The following TENM2 variants were observed in gnomAD, a reference collection of about 807,000 sequenced individuals.
TENM2 encodes teneurin transmembrane protein 2, also known as teneurin-2.
TENM2 carries 52 observed loss-of-function variants against 245.2 expected under a neutral mutation model. That is an observed-to-expected ratio of 0.21 (90% confidence interval 0.17 to 0.27). TENM2 has a LOEUF of 0.27. TENM2 is among the 10% of genes least tolerant of loss of function. The probability of loss-of-function intolerance (pLI) is 1.00; values close to 1 mark genes in which losing one functional copy is unlikely to be tolerated. For missense variants in TENM2, 3,046 were observed against 3,666.8 expected, an observed-to-expected ratio of 0.83 and a Z score of 4.37; for synonymous variants, 1,363 against 1,438.9, an observed-to-expected ratio of 0.95 and a Z score of 1.19.
chr5:167,507,814 T>TCAAAA (rs1769657506), intron 2 of TENM2, among the ~76,000 whole-genome samples: 1 of 152,218 alleles, frequency 6.6e-6, no homozygotes, highest in Non-Finnish European at 1.5e-5. Context: ...TGAATTTCTT[T>TCAAAA]TTCCTCTTGT....
the TENM2 span, among the ~76,000 whole-genome samples, chr5:167,023,867 C>G: frequency 6.6e-6 from 1 of 151,838 alleles, no homozygotes; most frequent in Non-Finnish European, 1.5e-5. Context: ...GACGGAAAAC[C>G]CAGTATCTGC....
intron 2 of TENM2, among the ~76,000 whole-genome samples, chr5:167,872,508 G>GA (rs748813833): frequency 3.3e-4 from 4 of 12,142 alleles, no homozygotes; most frequent in African/African-American, 5.9e-4. Context: ...AAGAAAGAAA[G>GA]AAAGAAAGAA....
the TENM2 span, among the ~76,000 whole-genome samples, chr5:167,040,529 A>G: frequency 6.6e-6 from 1 of 152,014 alleles, no homozygotes; most frequent in Non-Finnish European, 1.5e-5. Flanking sequence ...CTGTGAGATG[A>G]CAAACTTGCA....
intron 3 of TENM2, among the ~76,000 whole-genome samples, chr5:167,886,460 T>C (rs1168916996): frequency 6.6e-6 from 1 of 152,110 alleles, no homozygotes; most frequent in Non-Finnish European, 1.5e-5. Flanking sequence ...GCTGGGCAGA[T>C]AGAGGAAAAA....
chr5:168,164,296 A>C (rs183770600), intron 13 of TENM2, among the ~76,000 whole-genome samples: 3 of 152,022 alleles, frequency 2.0e-5, no homozygotes, highest in Non-Finnish European at 4.4e-5. Flanking sequence ...AGAACATTTT[A>C]ACGTAAGATC....
chr5:167,930,772 A>AG (rs56243042), intron 3 of TENM2, among the ~76,000 whole-genome samples: 1 of 120,082 alleles, frequency 8.3e-6, no homozygotes, highest in Non-Finnish European at 1.8e-5. Flanking sequence ...TTTTTTTTTT[A>AG]AAAAAGCATG....
intron 2 of TENM2, among the ~76,000 whole-genome samples, chr5:167,777,631 G>A (rs1763901890): frequency 6.6e-6 from 1 of 152,124 alleles, no homozygotes; most frequent in Non-Finnish European, 1.5e-5. Context: ...GCAAAATAGA[G>A]ATAACAGTAA....
At chr5:167,059,860 C>T in the TENM2 span, among the ~76,000 whole-genome samples, 1 of 152,000 alleles carries the variant, frequency 6.6e-6, no homozygotes, top group Non-Finnish European at 1.5e-5. Flanking sequence ...GCTGCCACCA[C>T]ACCTGGCTAA....
intron 12 of TENM2, among the ~76,000 whole-genome samples, chr5:168,155,358 AAAAC>A (rs1343581733): frequency 1.1e-5 from 1 of 91,922 alleles, no homozygotes; most frequent in African/African-American, 4.7e-5. Flanking sequence ...ACAAAAACAA[AAAAC>A]AAACAAAAAA....
At chr5:167,571,761 G>T (rs186398218) in intron 2 of TENM2, among the ~76,000 whole-genome samples, 1 of 152,138 alleles carries the variant, frequency 6.6e-6, no homozygotes, top group Non-Finnish European at 1.5e-5. Context: ...TGAAATAGTT[G>T]CGTGCTGAAA....
At chr5:167,956,662 T>C (rs1461240061) in intron 4 of TENM2, among the ~76,000 whole-genome samples, 5 of 152,208 alleles carry the variant, frequency 3.3e-5, no homozygotes, top group African/African-American at 1.2e-4. Flanking sequence ...ACCTAGTTTA[T>C]TGAGAGTTTT....
chr5:167,186,868 GTTTCC>G, the TENM2 span, among the ~76,000 whole-genome samples: 1 of 152,190 alleles, frequency 6.6e-6, no homozygotes, highest in Non-Finnish European at 1.5e-5. Context: ...CAATGGTGGT[GTTTCC>G]TTTCAAGGCT....
chr5:167,253,958 G>T, the TENM2 span, among the ~76,000 whole-genome samples: 2 of 152,034 alleles, frequency 1.3e-5, no homozygotes, highest in Admixed American at 1.3e-4. Context: ...AAGTTTACTT[G>T]AATAAGTGCG....
At chr5:167,432,741 C>T (rs1764324375) in intron 2 of TENM2, among the ~76,000 whole-genome samples, 1 of 152,030 alleles carries the variant, frequency 6.6e-6, no homozygotes, top group Non-Finnish European at 1.5e-5. Flanking sequence ...TTAAATGCTA[C>T]CTTTCTCCCT....
chr5:167,502,477 TTCAC>T (rs1314243029), intron 2 of TENM2, among the ~76,000 whole-genome samples: 1 of 152,208 alleles, frequency 6.6e-6, no homozygotes, highest in Non-Finnish European at 1.5e-5. Context: ...TAACTGCTAT[TTCAC>T]TCAACTACAA....
At chr5:167,327,874 C>G (rs779740850) in intron 1 of TENM2, among the ~76,000 whole-genome samples, 4 of 152,124 alleles carry the variant, frequency 2.6e-5, no homozygotes, top group Non-Finnish European at 5.9e-5. Flanking sequence ...GAAGATCATC[C>G]TAATTTCTGC....
At chr5:167,177,422 C>G in the TENM2 span, among the ~76,000 whole-genome samples, 1 of 152,138 alleles carries the variant, frequency 6.6e-6, no homozygotes, top group Non-Finnish European at 1.5e-5. Flanking sequence ...AATTGCAATC[C>G]CTTGTGGGCA....
At chr5:166,991,928 C>T in the TENM2 span, among the ~76,000 whole-genome samples, 1 of 151,720 alleles carries the variant, frequency 6.6e-6, no homozygotes, top group Non-Finnish European at 1.5e-5. Context: ...GTTTGGTTCT[C>T]AATATGACCT....
chr5:167,179,449 C>CTA, the TENM2 span, among the ~76,000 whole-genome samples: 1 of 152,062 alleles, frequency 6.6e-6, no homozygotes, highest in Admixed American at 6.6e-5. Context: ...AATTTATCAG[C>CTA]TACATTCTTT....
Sources: gnomAD v4.1 joint callset for allele counts (sites outside exome capture counted in the v4.1 genomes callset) on GRCh38, gnomAD v4.1.1 for gene constraint, MANE v1.5 for transcripts, NCBI Gene and HGNC (gene_info 2026-07-23, HGNC 2026-07-21) for gene names.